The following PRKN variants were observed in gnomAD, a reference collection of about 807,000 sequenced individuals.
The protein encoded by PRKN is parkin RBR E3 ubiquitin protein ligase, also known as E3 ubiquitin-protein ligase parkin.
Under a neutral mutation model 59.5 loss-of-function variants are expected in PRKN, and 56 were observed. That is an observed-to-expected ratio of 0.94 (90% CI 0.76 to 1.18). The LOEUF (loss-of-function observed/expected upper bound fraction) is 1.18. Among genes scored for constraint, PRKN ranks in the 50% most tolerant of loss-of-function variants. The pLI is 0.00. For synonymous variants in PRKN, 250 were observed against 222.1 expected, an observed-to-expected ratio of 1.13 and a Z score of -1.12; for missense variants, 657 against 596.4, an observed-to-expected ratio of 1.10 and a Z score of -1.06.
intron 8 of PRKN, among the ~76,000 whole-genome samples, chr6:161,553,715 TC>T (rs1307606202): frequency 6.6e-6 from 1 of 152,244 alleles, no homozygotes; most frequent in Non-Finnish European, 1.5e-5. Context: ...ATCTTTTTTT[TC>T]AATGAACATT....
intron 4 of PRKN, among the ~76,000 whole-genome samples, chr6:162,070,627 G>A (rs1348221923): frequency 2.6e-5 from 4 of 152,262 alleles, no homozygotes; most frequent in Admixed American, 6.5e-5. Flanking sequence ...CAGGTTTGAC[G>A]GAAGACAGTT....
Position 161,579,491 on chromosome 6 carries a change from T to C in PRKN, c.872-10075A>G, listed in dbSNP as rs905068749. On this transcript the variant is annotated intron_variant, in intron 7 of 11. Coordinates refer to ENST00000366898, the MANE Select transcript of PRKN (RefSeq NM_004562.3). The surrounding 1 kb of genome is among the most constrained non-coding windows in gnomAD (Gnocchi z 4.2). ...GTTTATAAACTGGAAACTTGTGTAATTTATATTTGTACCCTATACTTCGCC... is the reference window on the plus strand; with the variant it reads ...GTTTATAAACTGGAAACTTGTGTAACTTATATTTGTACCCTATACTTCGCC... 6.6e-6 allele frequency among the ~76,000 whole-genome samples: 1 copy of C among 152,208 alleles called. No homozygotes were observed. Among genetic ancestry groups the C allele is most frequent in the Non-Finnish European group, 1.5e-5 (1 of 68,028 alleles).
chr6:162,510,050 A>C (rs1030488588), intron 1 of PRKN, among the ~76,000 whole-genome samples: 6 of 152,224 alleles, frequency 3.9e-5, no homozygotes, highest in Non-Finnish European at 7.3e-5. Flanking sequence ...GATTTAGGTC[A>C]GCCCAGAAAG....
intron 9 of PRKN, among the ~76,000 whole-genome samples, chr6:161,434,286 G>A (rs1166337466): frequency 1.3e-5 from 2 of 150,796 alleles, no homozygotes; most frequent in Non-Finnish European, 2.9e-5. Flanking sequence ...ATAGATCATA[G>A]GGAAAATGAT....
chr6:161,403,568 G>A (rs577133223), intron 9 of PRKN, among the ~76,000 whole-genome samples: 9 of 152,272 alleles, frequency 5.9e-5, no homozygotes, highest in African/African-American at 2.2e-4. Flanking sequence ...GGGCCTCAGG[G>A]CAGGAGCACG....
intron 4 of PRKN, among the ~76,000 whole-genome samples, chr6:162,088,546 A>C (rs1779348252): frequency 6.6e-6 from 1 of 152,188 alleles, no homozygotes; most frequent in South Asian, 2.1e-4. Context: ...TAGGAAATGA[A>C]CAAAGAGATT....
chr6:162,694,903 T>C (rs1584064165), intron 1 of PRKN: 1 of 152,226 alleles, frequency 6.6e-6, no homozygotes, highest in African/African-American at 2.4e-5. Flanking sequence ...GTTTATACTG[T>C]GCTGCTGAAC....
rs1789875170 is a variant in PRKN at position 161,454,396 on chromosome 6, G to A, written c.1084-67519C>T. The stretch of plus-strand genomic sequence containing the variant: ...CTGGCTGGGGTTAGGGTGGCTTTGG[G>A]AAACCCTTGACTGCTTGAGGAATCC... On this transcript the variant is annotated intron_variant, in intron 9 of 11. Coordinates refer to ENST00000366898, the MANE Select transcript of PRKN (RefSeq NM_004562.3). The surrounding 1 kb of genome is among the most constrained non-coding windows in gnomAD (Gnocchi z 4.6). Among the ~76,000 whole-genome samples, 1 of 152,168 alleles carries A rather than the reference G, an allele frequency of 6.6e-6. No individual in the cohort carries two copies. Among genetic ancestry groups the A allele is most frequent in the Admixed American group, 6.5e-5 (1 of 15,274 alleles).
At chr6:162,473,583 A>T (rs1270127218) in intron 1 of PRKN, among the ~76,000 whole-genome samples, 2 of 152,208 alleles carry the variant, frequency 1.3e-5, no homozygotes, top group East Asian at 3.8e-4. Context: ...TAATTTTAAT[A>T]TTTTATGTAG....
chr6:162,725,441 C>A lies in PRKN; in HGVS notation c.7+2221G>T, dbSNP rs554133858. ...CTGTTCACGACACCCAAATCCCAAA[C>A]TGACCATTCAGATGTTTACTGAAAT... On this transcript the variant is annotated intron_variant, in intron 1 of 11. Coordinates refer to ENST00000366898, the MANE Select transcript of PRKN (RefSeq NM_004562.3). Among the ~76,000 whole-genome samples the A allele has an allele frequency of 2.6e-5, 4 of 152,292 alleles. No individual in the cohort carries two copies. The East Asian group carries it at 5.8e-4, about 22-fold the overall frequency.
chr6:161,420,151 T>C (rs1371978941), intron 9 of PRKN, among the ~76,000 whole-genome samples: 2 of 151,546 alleles, frequency 1.3e-5, no homozygotes, highest in African/African-American at 2.4e-5. Context: ...GACAGGAGAA[T>C]TGCTTGAACC....
intron 7 of PRKN, chr6:161,715,950 C>T (rs915708900): frequency 2.2e-6 from 1 of 446,668 alleles, no homozygotes; most frequent in Non-Finnish European, 4.3e-6. Context: ...TATGATACTC[C>T]ACCCTAGACA....
chr6:161,895,259 C>A (rs562315617), intron 6 of PRKN, among the ~76,000 whole-genome samples: 1 of 152,206 alleles, frequency 6.6e-6, no homozygotes, highest in African/African-American at 2.4e-5. Context: ...CAGGAAATTT[C>A]TCTCTTTTCC....
chr6:161,421,321 C>T (rs1209612447), intron 9 of PRKN, among the ~76,000 whole-genome samples: 1 of 152,136 alleles, frequency 6.6e-6, no homozygotes, highest in African/African-American at 2.4e-5. Context: ...TCAGTCCTTT[C>T]TAGACAATTA....
At chr6:162,430,862 G>A (rs1789486988) in intron 2 of PRKN, among the ~76,000 whole-genome samples, 2 of 152,080 alleles carry the variant, frequency 1.3e-5, no homozygotes, top group South Asian at 2.1e-4. Flanking sequence ...ATGGATTATC[G>A]TCAAGTATCT....
chr6:162,225,129 G>C (rs1251727237), intron 3 of PRKN, among the ~76,000 whole-genome samples: 1 of 152,308 alleles, frequency 6.6e-6, no homozygotes, highest in African/African-American at 2.4e-5. Context: ...CACGTGGTGA[G>C]AGCACATCTA....
chr6:161,420,261 T>C (rs543366314), intron 9 of PRKN, among the ~76,000 whole-genome samples: 117 of 150,200 alleles, frequency 7.8e-4, no homozygotes, highest in Non-Finnish European at 1.3e-4. Context: ...AAAAAAGAAC[T>C]TGATAAAGTA....
chr6:162,202,427 A>G (rs964809633), intron 3 of PRKN, among the ~76,000 whole-genome samples: 1 of 152,202 alleles, frequency 6.6e-6, no homozygotes, highest in Non-Finnish European at 1.5e-5. Flanking sequence ...CTGAAGCACA[A>G]CAAAGATGTA....
intron 1 of PRKN, among the ~76,000 whole-genome samples, chr6:162,596,175 T>C (rs1285836299): frequency 2.0e-5 from 3 of 152,226 alleles, no homozygotes; most frequent in Non-Finnish European, 2.9e-5. Context: ...AAATAACTTA[T>C]AGGCATAAAA....
Sources: allele counts gnomAD v4.1 joint callset (sites outside exome capture counted in the v4.1 genomes callset), GRCh38; gene constraint gnomAD v4.1.1; non-coding constraint Gnocchi (gnomAD v3.1); transcripts MANE v1.5; gene names NCBI Gene and HGNC (gene_info 2026-07-23, HGNC 2026-07-21).